SOX5: variants seen among roughly 807,000 people sequenced by gnomAD.
The protein encoded by SOX5 is SRY-box transcription factor 5.
A neutral mutation model predicts 92.0 loss-of-function variants in SOX5; 9 were observed. The observed-to-expected ratio is 0.10, with a 90% CI of 0.06 to 0.17. SOX5 has a LOEUF of 0.17. Ranked by LOEUF, SOX5 falls within the 10% of genes least tolerant of loss-of-function variation. The probability of loss-of-function intolerance (pLI) is 1.00; values close to 1 mark genes in which losing one functional copy is unlikely to be tolerated. For missense variants in SOX5, 642 were observed against 944.5 expected (o/e 0.68, Z 4.20); for synonymous variants, 344 against 336.3 (o/e 1.02, Z -0.25).
intron 6 of SOX5, among the ~76,000 whole-genome samples, chr12:23,731,282 G>A (rs983182518): frequency 6.6e-6 from 1 of 152,188 alleles, no homozygotes; most frequent in Non-Finnish European, 1.5e-5. Flanking sequence ...AGGGTCTCCA[G>A]CTTGCAGAAG....
chr12:24,131,386 G>A (rs1179051418), intron 4 of SOX5, among the ~76,000 whole-genome samples: 1 of 152,064 alleles, frequency 6.6e-6, no homozygotes, highest in Non-Finnish European at 1.5e-5. Flanking sequence ...CATTAGACTG[G>A]GAGTTCCTAG....
At chr12:23,547,266 C>T (rs1257170256) in intron 11 of SOX5, among the ~76,000 whole-genome samples, 2 of 152,080 alleles carry the variant, frequency 1.3e-5, no homozygotes, top group African/African-American at 2.4e-5. Flanking sequence ...ATAACTTTCT[C>T]GTGAACTCTC....
chr12:23,641,772 T>G (rs1038310204), intron 7 of SOX5, among the ~76,000 whole-genome samples: 1 of 152,212 alleles, frequency 6.6e-6, no homozygotes, highest in Admixed American at 6.5e-5. Flanking sequence ...ATCTGACACA[T>G]GACCATAGCA....
intron 2 of SOX5, among the ~76,000 whole-genome samples, chr12:23,874,110 T>C (rs1187300804): frequency 1.3e-5 from 2 of 152,018 alleles, no homozygotes; most frequent in African/African-American, 4.8e-5. Context: ...CATGAGAAAA[T>C]GTATAAAGCC....
chr12:24,057,608 A>G lies in SOX5; in HGVS notation c.-2+155735T>C, dbSNP rs79625595. Among the ~76,000 whole-genome samples the G allele has an allele frequency of 5.6e-3, 848 of 152,350 alleles. 4 individuals carry two copies. Among genetic ancestry groups the G allele is most frequent in the East Asian group, 0.02 (105 of 5,190 alleles). ...TAGTAACCGATAATATCAAGTAACA[A>G]AAATAAGTGGCATCCAAATGACTGT... is the stretch of plus-strand genomic sequence containing the variant. On this transcript the variant is annotated intron_variant, in intron 4 of 4. Transcript: ENST00000446891.
chr12:23,806,084 G>T (rs986165017), intron 3 of SOX5, among the ~76,000 whole-genome samples: 1 of 152,062 alleles, frequency 6.6e-6, no homozygotes, highest in Non-Finnish European at 1.5e-5. Context: ...TTTTAAAAGT[G>T]GCAATTCCTC....
chr12:24,444,567 A>T (rs1170257474), intron 1 of SOX5, among the ~76,000 whole-genome samples: 1 of 152,160 alleles, frequency 6.6e-6, no homozygotes, highest in African/African-American at 2.4e-5. Context: ...TGTCCACACA[A>T]CCAAAGATCC....
At chr12:23,805,083 TGGAATGAAAGAA>T (rs1395588146) in intron 3 of SOX5, among the ~76,000 whole-genome samples, 4 of 151,020 alleles carry the variant, frequency 2.6e-5, no homozygotes, top group Non-Finnish European at 5.9e-5. Flanking sequence ...AAAAAATCTG[TGGAATGAAAGAA>T]GGAATGAATG....
At chr12:24,480,570 T>C (rs1945875431) in intron 1 of SOX5, among the ~76,000 whole-genome samples, 1 of 151,660 alleles carries the variant, frequency 6.6e-6, no homozygotes, top group Admixed American at 6.6e-5. Flanking sequence ...GGAAAAAAAA[T>C]CTAATAATCT....
chr12:24,450,794 G>A (rs1482795875), intron 1 of SOX5, among the ~76,000 whole-genome samples: 1 of 152,148 alleles, frequency 6.6e-6, no homozygotes, highest in African/African-American at 2.4e-5. Flanking sequence ...GCCCAGCCAA[G>A]TATTTATCCT....
intron 1 of SOX5, among the ~76,000 whole-genome samples, chr12:24,555,844 G>C (rs7974523): frequency 0.019 from 2,894 of 152,296 alleles, 38 homozygotes; most frequent in Non-Finnish European, 0.03. Context: ...CCAAACCACA[G>C]CTATACCATT....
At position 24,268,072 on chromosome 12, in the gene SOX5, G is replaced by T. The variant is rs182815998; in HGVS notation, c.-77+9144C>A. Among the ~76,000 whole-genome samples the T allele has an allele frequency of 9.3e-4, 141 of 152,264 alleles. 1 individual carries two copies. Among genetic ancestry groups the T allele is most frequent in the Non-Finnish European group, 1.5e-4 (10 of 68,012 alleles). On this transcript the variant is annotated intron_variant, in intron 3 of 4. Coordinates refer to the SOX5 transcript ENST00000446891. Reference sequence around the variant, plus strand: ...CTAGTTCCAAGATCAGGAAAATGAAGCATTTCTACTGAGATGGCATTATGT... The same window carrying T: ...CTAGTTCCAAGATCAGGAAAATGAATCATTTCTACTGAGATGGCATTATGT...
intron 4 of SOX5, among the ~76,000 whole-genome samples, chr12:23,983,925 C>A (rs1949828626): frequency 6.6e-6 from 1 of 151,976 alleles, no homozygotes; most frequent in South Asian, 2.1e-4. Flanking sequence ...ACAAAATAAA[C>A]CTCAATGTGC....
At chr12:24,470,669 T>TA (rs2137628469) in intron 1 of SOX5, among the ~76,000 whole-genome samples, 1 of 152,288 alleles carries the variant, frequency 6.6e-6, no homozygotes, top group Admixed American at 6.5e-5. Context: ...ATCAGTCCCT[T>TA]ACAATGAGTA....
chr12:23,770,320 T>C (rs2094891453), intron 3 of SOX5, among the ~76,000 whole-genome samples: 1 of 151,900 alleles, frequency 6.6e-6, no homozygotes, highest in Non-Finnish European at 1.5e-5. Flanking sequence ...ACTACTCAAT[T>C]AACAAAAAGA....
intron 4 of SOX5, among the ~76,000 whole-genome samples, chr12:24,055,782 A>C (rs1310182054): frequency 6.6e-6 from 1 of 152,242 alleles, no homozygotes; most frequent in African/African-American, 2.4e-5. Flanking sequence ...AACAATGAAA[A>C]GAAAAACTAG....
At chr12:23,835,076 C>T (rs1037430033) in intron 3 of SOX5, among the ~76,000 whole-genome samples, 2 of 151,810 alleles carry the variant, frequency 1.3e-5, no homozygotes, top group Non-Finnish European at 2.9e-5. Flanking sequence ...AATTTAACTG[C>T]TGATCCACAT....
At chr12:24,306,807 A>T (rs502606) in intron 2 of SOX5, among the ~76,000 whole-genome samples, 18,589 of 152,118 alleles carry the variant, frequency 0.12, 1,479 homozygotes, top group South Asian at 0.18. Flanking sequence ...AATGTGAACA[A>T]ATGTCACAAA....
intron 1 of SOX5, among the ~76,000 whole-genome samples, chr12:24,420,060 T>C (rs916386648): frequency 6.6e-6 from 1 of 152,244 alleles, no homozygotes; most frequent in Non-Finnish European, 1.5e-5. Context: ...ATGCTTGAGG[T>C]GTGGTTCTCT....
Sources: allele counts gnomAD v4.1 joint callset (sites outside exome capture counted in the v4.1 genomes callset), GRCh38; gene constraint gnomAD v4.1.1; transcripts MANE v1.5; gene names NCBI Gene and HGNC (gene_info 2026-07-23, HGNC 2026-07-21).